Variants in SNTG1 observed in about 807,000 individuals in gnomAD.
The protein encoded by SNTG1 is gamma-1-syntrophin.
SNTG1 carries 39 observed loss-of-function variants against 74.7 expected under a neutral mutation model. The observed-to-expected ratio is 0.52, with a 90% CI of 0.40 to 0.68. The LOEUF (loss-of-function observed/expected upper bound fraction) is 0.68, where lower values mean the gene tolerates loss of function less well. SNTG1 is among the 30% of genes least tolerant of loss of function. The probability of loss-of-function intolerance (pLI) is 0.00; values close to 1 mark genes in which losing one functional copy is unlikely to be tolerated. For synonymous variants in SNTG1, 254 were observed against 217.1 expected, an observed-to-expected ratio of 1.17 and a Z score of -1.49; for missense variants, 685 against 609.5, an observed-to-expected ratio of 1.12 and a Z score of -1.30.
At chr8:50,643,104 G>A (rs1053203381) in intron 13 of SNTG1, among the ~76,000 whole-genome samples, 18 of 152,254 alleles carry the variant, frequency 1.2e-4, no homozygotes, top group South Asian at 4.2e-4. Context: ...AATCAAGATG[G>A]CCTGGAATTA....
At chr8:50,777,234 TA>T (rs945772465) in intron 18 of SNTG1, among the ~76,000 whole-genome samples, 8 of 147,126 alleles carry the variant, frequency 5.4e-5, no homozygotes, top group Non-Finnish European at 9.0e-5. Flanking sequence ...TATATATATA[TA>T]ATAATATAAT....
chr8:50,582,291 C>T (rs966410172), intron 12 of SNTG1, among the ~76,000 whole-genome samples: 20 of 152,160 alleles, frequency 1.3e-4, no homozygotes, highest in Admixed American at 1.2e-3. Flanking sequence ...TAATTGAGCA[C>T]CTACTAAGAC....
intron 2 of SNTG1, among the ~76,000 whole-genome samples, chr8:50,234,059 T>G (rs531586324): frequency 3.3e-5 from 5 of 151,922 alleles, no homozygotes; most frequent in Non-Finnish European, 7.4e-5. Flanking sequence ...GGGCATTTAT[T>G]CTAGAGACAT....
chr8:50,149,663 T>A (rs1315079856), intron 1 of SNTG1, among the ~76,000 whole-genome samples: 2 of 152,142 alleles, frequency 1.3e-5, no homozygotes, highest in African/African-American at 4.8e-5. Flanking sequence ...TTTCCCCATT[T>A]CTTGTTTTTG....
intron 2 of SNTG1, among the ~76,000 whole-genome samples, chr8:50,321,898 C>T (rs1033137261): frequency 6.6e-6 from 1 of 152,022 alleles, no homozygotes; most frequent in Admixed American, 6.6e-5. Flanking sequence ...CTGTCTATGT[C>T]TTAAAAATGT....
chr8:50,489,347 C>G (rs2093829064), intron 8 of SNTG1, among the ~76,000 whole-genome samples: 1 of 152,178 alleles, frequency 6.6e-6, no homozygotes, highest in Non-Finnish European at 1.5e-5. Context: ...TGAGGAATCA[C>G]CACACTGTCT....
intron 11 of SNTG1, among the ~76,000 whole-genome samples, chr8:50,537,533 C>G (rs114195709): frequency 0.016 from 2,365 of 152,046 alleles, 56 homozygotes; most frequent in African/African-American, 0.053. Flanking sequence ...ATCAGTTTTG[C>G]TAAGGAGTTG....
chr8:50,407,377 TG>T (rs2092891463), intron 4 of SNTG1, among the ~76,000 whole-genome samples: 1 of 152,154 alleles, frequency 6.6e-6, no homozygotes, highest in Non-Finnish European at 1.5e-5. Flanking sequence ...AAGTCCTGGG[TG>T]GAAAATAGAA....
chr8:50,171,416 G>A (rs949265382), intron 1 of SNTG1, among the ~76,000 whole-genome samples: 7 of 152,056 alleles, frequency 4.6e-5, no homozygotes, highest in Non-Finnish European at 1.0e-4. Flanking sequence ...TATGTAGGCT[G>A]GGCCGCTAAG....
intron 12 of SNTG1, among the ~76,000 whole-genome samples, chr8:50,558,500 T>G (rs2130660378): frequency 6.6e-6 from 1 of 152,324 alleles, no homozygotes; most frequent in Admixed American, 6.5e-5. Context: ...TTTGCCATAT[T>G]AATCATTATT....
At chr8:50,269,275 T>C (rs1465986231) in intron 2 of SNTG1, among the ~76,000 whole-genome samples, 2 of 152,110 alleles carry the variant, frequency 1.3e-5, no homozygotes, top group Non-Finnish European at 2.9e-5. Context: ...AAAATACCTG[T>C]TTAGGAAAAG....
intron 2 of SNTG1, among the ~76,000 whole-genome samples, chr8:50,182,778 C>T (rs1189553909): frequency 6.6e-6 from 1 of 152,104 alleles, no homozygotes; most frequent in Non-Finnish European, 1.5e-5. Context: ...TATGCAAGCA[C>T]AAGTGACCAG....
At chr8:50,284,111 T>C (rs1296439056) in intron 2 of SNTG1, among the ~76,000 whole-genome samples, 1 of 152,106 alleles carries the variant, frequency 6.6e-6, no homozygotes, top group East Asian at 1.9e-4. Context: ...CATTCTTTGG[T>C]TTTGATGACC....
At chr8:50,614,357 G>A (rs934892150) in intron 13 of SNTG1, among the ~76,000 whole-genome samples, 1 of 151,940 alleles carries the variant, frequency 6.6e-6, no homozygotes, top group Non-Finnish European at 1.5e-5. Context: ...AGATAAGAAG[G>A]CCTACAATTC....
At chr8:50,604,527 C>T (rs1018833822) in intron 13 of SNTG1, among the ~76,000 whole-genome samples, 1 of 152,272 alleles carries the variant, frequency 6.6e-6, no homozygotes. Flanking sequence ...CTTTTCCCTC[C>T]CCTTTTTACA....
chr8:50,534,425 G>C (rs1458655817), intron 10 of SNTG1, among the ~76,000 whole-genome samples: 1 of 152,090 alleles, frequency 6.6e-6, no homozygotes, highest in Non-Finnish European at 1.5e-5. Flanking sequence ...ACCCAAGCCT[G>C]CCACACAGTA....
intron 2 of SNTG1, among the ~76,000 whole-genome samples, chr8:50,321,043 A>G (rs1211673837): frequency 6.6e-6 from 1 of 152,120 alleles, no homozygotes; most frequent in African/African-American, 2.4e-5. Context: ...ATATACATAT[A>G]GGTCCTTTTG....
Position 50,191,567 on chromosome 8 carries a change from T to C in SNTG1, c.-28+18932T>C, listed in dbSNP as rs184703142. Among the ~76,000 whole-genome samples the C allele has an allele frequency of 1.8e-3, 267 of 152,220 alleles. 2 individuals carry two copies. The highest frequency in any genetic ancestry group is 6.0e-3 in the African/African-American group (249 of 41,532). On this transcript the variant is annotated intron_variant, in intron 2 of 18. Coordinates refer to ENST00000642720, the MANE Select transcript of SNTG1 (RefSeq NM_018967.5). ...ATGAGGGGAAACTGTTCTTGTTTTT[T>C]AAAAAAATAAACTTTAAATTCTGGG...
chr8:50,675,181 C>T (rs1315269717), intron 15 of SNTG1, among the ~76,000 whole-genome samples: 2 of 152,034 alleles, frequency 1.3e-5, no homozygotes, highest in Non-Finnish European at 2.9e-5. Context: ...TCTATTAGGT[C>T]CACTTGATCT....
Sources: allele counts gnomAD v4.1 joint callset (sites outside exome capture counted in the v4.1 genomes callset), GRCh38; gene constraint gnomAD v4.1.1; transcripts MANE v1.5; gene names NCBI Gene and HGNC (gene_info 2026-07-23, HGNC 2026-07-21).